Variants in FAM135A observed in about 807,000 individuals in gnomAD.
FAM135A encodes protein FAM135A.
Under a neutral mutation model 146.8 loss-of-function variants are expected in FAM135A, and 79 were observed. The observed-to-expected ratio is 0.54, with a 90% confidence interval of 0.45 to 0.65. The LOEUF (loss-of-function observed/expected upper bound fraction) is 0.65. FAM135A is among the 30% of genes least tolerant of loss of function. The pLI, the probability that FAM135A is intolerant of heterozygous loss-of-function variation, is 0.00. For synonymous variants in FAM135A, 562 were observed against 603.6 expected (o/e 0.93, Z 1.01); for missense variants, 1,623 against 1,758.2 (o/e 0.92, Z 1.38).
At chr6:70,433,382 A>G (rs1562407924) in intron 4 of FAM135A, among the ~76,000 whole-genome samples, 1 of 152,122 alleles carries the variant, frequency 6.6e-6, no homozygotes, top group African/African-American at 2.4e-5. Context: ...CCTTCAAGAT[A>G]CTTTTTAACA....
At chr6:70,426,060 G>T (rs1244321873) in intron 2 of FAM135A, among the ~76,000 whole-genome samples, 1 of 150,756 alleles carries the variant, frequency 6.6e-6, no homozygotes, top group Non-Finnish European at 1.5e-5. Context: ...CCGAGATTGC[G>T]CCACTGCAGT....
intron 10 of FAM135A, among the ~76,000 whole-genome samples, chr6:70,482,644 A>G (rs1783950508): frequency 1.3e-5 from 2 of 152,134 alleles, no homozygotes; most frequent in African/African-American, 2.4e-5. Flanking sequence ...ACATTTTAAA[A>G]ATCATTGAAA....
chr6:70,454,153 C>T (rs6936018), intron 5 of FAM135A, among the ~76,000 whole-genome samples: 7,040 of 152,230 alleles, frequency 0.046, 361 homozygotes, highest in African/African-American at 0.11. Context: ...TTTCTGATGA[C>T]CAGTGATGAT....
chr6:70,482,426 T>C (rs1192170398), intron 10 of FAM135A, among the ~76,000 whole-genome samples: 2 of 152,120 alleles, frequency 1.3e-5, no homozygotes, highest in African/African-American at 4.8e-5. Context: ...TCTTAAAATA[T>C]AACCCAAAAA....
At chr6:70,458,579 A>G (rs1273902240) in intron 5 of FAM135A, among the ~76,000 whole-genome samples, 3 of 152,106 alleles carry the variant, frequency 2.0e-5, no homozygotes, top group South Asian at 2.1e-4. Flanking sequence ...ATGTTGTTTC[A>G]TCCTCTGGGC....
chr6:70,485,644 C>T (rs937067841), intron 10 of FAM135A, among the ~76,000 whole-genome samples: 5 of 152,190 alleles, frequency 3.3e-5, no homozygotes, highest in African/African-American at 1.2e-4. Context: ...ACTTCTTAAA[C>T]TTGACTATGC....
intron 20 of FAM135A, among the ~76,000 whole-genome samples, chr6:70,555,801 T>C (rs1217094082): frequency 6.6e-6 from 1 of 152,184 alleles, no homozygotes; most frequent in Non-Finnish European, 1.5e-5. Flanking sequence ...ACTTCTATAA[T>C]AGATACTTGA....
chr6:70,555,666 A>G (rs1231582445), intron 20 of FAM135A, among the ~76,000 whole-genome samples: 1 of 152,210 alleles, frequency 6.6e-6, no homozygotes, highest in Non-Finnish European at 1.5e-5. Flanking sequence ...GATGATTCCC[A>G]AAGTAGTACT....
At chr6:70,546,281 T>C (rs929511034) in intron 20 of FAM135A, among the ~76,000 whole-genome samples, 3 of 152,202 alleles carry the variant, frequency 2.0e-5, no homozygotes, top group Admixed American at 2.0e-4. Context: ...AAGTGATCAT[T>C]TCTTTTTTAT....
rs555838698 is a variant in FAM135A, at chr6:70,441,787, C to T, written c.78-10705C>T. Among the ~76,000 whole-genome samples the T allele has an allele frequency of 5.3e-5, 8 of 151,370 alleles. No individual in the cohort carries two copies. In the East Asian group the frequency reaches 9.8e-4, roughly 19 times the overall value. ...GCAACCTCTGCCTCCTGGGTTCAAG[C>T]GATTCTCCTGCCTCAGCCTCCCAAG... On this transcript the variant is annotated intron_variant, in intron 4 of 21. Coordinates refer to ENST00000418814, the MANE Select transcript of FAM135A (RefSeq NM_001162529.3).
chr6:70,490,422 G>C (rs1330167143), intron 10 of FAM135A, among the ~76,000 whole-genome samples: 1 of 151,718 alleles, frequency 6.6e-6, no homozygotes, highest in Non-Finnish European at 1.5e-5. Flanking sequence ...TTGTAAATTT[G>C]TGCACCTCTT....
intron 10 of FAM135A, chr6:70,486,021 A>G: frequency 1.8e-6 from 1 of 542,078 alleles, no homozygotes; most frequent in Non-Finnish European, 3.3e-6. Context: ...ACTTGAATGT[A>G]CATCATTTGT....
chr6:70,442,356 T>A (rs1239860602), intron 4 of FAM135A, among the ~76,000 whole-genome samples: 1 of 151,348 alleles, frequency 6.6e-6, no homozygotes, highest in African/African-American at 2.4e-5. Flanking sequence ...TAGATATACA[T>A]TAAATTTATT....
At chr6:70,534,030 A>C (rs898070323) in intron 18 of FAM135A, among the ~76,000 whole-genome samples, 176 bp downstream of exon 18, 4 of 152,110 alleles carry the variant, frequency 2.6e-5, no homozygotes, top group African/African-American at 9.7e-5. Context: ...ATGTCCAAAA[A>C]AGTGTATCTG....
At chr6:70,482,649 T>C (rs1783951377) in intron 10 of FAM135A, among the ~76,000 whole-genome samples, 1 of 152,124 alleles carries the variant, frequency 6.6e-6, no homozygotes, top group South Asian at 2.1e-4. Flanking sequence ...TTAAAAATCA[T>C]TGAAATTGTT....
intron 4 of FAM135A, among the ~76,000 whole-genome samples, chr6:70,434,771 A>C (rs1316699582): frequency 1.3e-5 from 2 of 152,204 alleles, no homozygotes; most frequent in African/African-American, 4.8e-5. Context: ...AAATGTTATC[A>C]GTTTGATTTG....
intron 15 of FAM135A, among the ~76,000 whole-genome samples, chr6:70,527,780 C>T (rs1446652556): frequency 6.6e-6 from 1 of 152,130 alleles, no homozygotes; most frequent in African/African-American, 2.4e-5. Flanking sequence ...TCGTTCTGCT[C>T]CTTCTTATTG....
At chr6:70,476,230 C>T (rs1450968320) in intron 7 of FAM135A, among the ~76,000 whole-genome samples, 1 of 152,160 alleles carries the variant, frequency 6.6e-6, no homozygotes, top group Non-Finnish European at 1.5e-5. Context: ...CCTGGACATG[C>T]AGTCATATGT....
At chr6:70,545,210 G>C (rs1187246944) in intron 20 of FAM135A, among the ~76,000 whole-genome samples, 1 of 151,930 alleles carries the variant, frequency 6.6e-6, no homozygotes, top group African/African-American at 2.4e-5. Context: ...AAAATTATTT[G>C]AATGACTTAA....
Sources: allele counts gnomAD v4.1 joint callset (sites outside exome capture counted in the v4.1 genomes callset), GRCh38; gene constraint gnomAD v4.1.1; transcripts MANE v1.5; gene names NCBI Gene and HGNC (gene_info 2026-07-23, HGNC 2026-07-21).